The following CAPRIN2 variants were observed in gnomAD, a reference collection of about 807,000 sequenced individuals.
CAPRIN2 encodes the protein caprin family member 2.
In CAPRIN2, 66 loss-of-function variants were observed where a neutral mutation model predicts 130.4. That is an observed-to-expected ratio of 0.51 (90% CI 0.42 to 0.62). The LOEUF is 0.62. Among genes scored for constraint, CAPRIN2 ranks in the 20% least tolerant of loss-of-function variants. The probability of loss-of-function intolerance (pLI) is 0.00; values close to 1 mark genes in which losing one functional copy is unlikely to be tolerated. For missense variants in CAPRIN2, 1,185 were observed against 1,246.6 expected (o/e 0.95, Z 0.74); for synonymous variants, 471 against 444.1 (o/e 1.06, Z -0.76).
chr12:30,710,312 G>A lies in CAPRIN2; in HGVS notation c.2824C>T (p.Leu942=), dbSNP rs2053859137. The change falls in exon 17 of 17, where the codon CTG becomes TTG. Residue 942 remains leucine (L), a synonymous_variant. Transcript: ENST00000298892. This position sits in a 1 kb window ranked among gnomAD's most constrained non-coding sequence, Gnocchi z 4.8. ...AAGGCAACTCGCATCTGCTGAGGCA[G>A]AGGGTAGACGTGTACTGGCAGTATG... 6.2e-7 allele frequency: 1 copy of A among 1,614,072 alleles called. No individual in the cohort carries two copies. The highest frequency in any genetic ancestry group is 8.5e-7 in the Non-Finnish European group (1 of 1,180,054).
At position 30,710,106 on chromosome 12, in the gene CAPRIN2, C is replaced by G; in HGVS notation, c.3030G>C (p.Leu1010=). 6.2e-7 allele frequency: 1 copy of G among 1,614,112 alleles called. No homozygotes were observed. Among genetic ancestry groups the G allele is most frequent in the South Asian group, 1.1e-5 (1 of 91,084 alleles). Residue 1010 remains leucine (L), a synonymous_variant, in exon 17 of 17, where the codon CTG becomes CTC. Coordinates refer to ENST00000298892, the Ensembl canonical transcript of CAPRIN2. The surrounding 1 kb of genome is among the most constrained non-coding windows in gnomAD (Gnocchi z 4.8). ...CTTCATTCTTCATGAGGTTGACATA[C>G]AGTGGCACATTCACTGCCAGCTTTA...
exon 1 of CAPRIN2, chr12:30,753,729 A>C: frequency 6.2e-7 from 1 of 1,613,014 alleles, no homozygotes; most frequent in South Asian, 1.1e-5. Flanking sequence ...AGTGAGCTCG[A>C]AACCCAATGA....
At chr12:30,712,398 G>A (rs1278284284) in intron 15 of CAPRIN2, among the ~76,000 whole-genome samples, 3 of 152,222 alleles carry the variant, frequency 2.0e-5, no homozygotes, top group South Asian at 2.1e-4. Context: ...ACAAAATACT[G>A]TAATAGTGGT....
Position 30,743,866 on chromosome 12 carries a change from G to A in CAPRIN2, c.484-2760C>T, listed in dbSNP as rs537088918. 1.3e-4 allele frequency among the ~76,000 whole-genome samples: 20 copies of A among 152,142 alleles called. No homozygotes were observed. The South Asian group carries it at 4.1e-3, about 32-fold the overall frequency. ...CAAGACAGTCTTATCTCCTCTAATG[G>A]TTTCAAGTAGCGGTCATACAGGTGA... On this transcript the variant is annotated intron_variant, in intron 2 of 16. Coordinates refer to ENST00000298892, the Ensembl canonical transcript of CAPRIN2.
chr12:30,753,457 G>A, exon 1 of CAPRIN2: 2 of 1,614,136 alleles, frequency 1.2e-6, no homozygotes, highest in Non-Finnish European at 1.7e-6. Context: ...GACTGCAGGG[G>A]GCTCAAGGCC....
At chr12:30,734,934 GTTTCA>G in intron 4 of CAPRIN2, 29 bp downstream of exon 5, 2 of 1,434,546 alleles carry the variant, frequency 1.4e-6, no homozygotes, top group Non-Finnish European at 2.0e-6. Flanking sequence ...AGTGTCAAGT[GTTTCA>G]TTTCAGGAAA....
At chr12:30,740,924 T>A in intron 3 of CAPRIN2, 96 bp downstream of exon 4, 1 of 702,060 alleles carries the variant, frequency 1.4e-6, no homozygotes, top group Non-Finnish European at 2.5e-6. Context: ...AGAAGAATAA[T>A]AACCAAACAC....
chr12:30,710,378 T>C lies in CAPRIN2; in HGVS notation c.2758A>G (p.Met920Val), dbSNP rs778912498. The C allele has an allele frequency of 1.2e-6, 2 of 1,614,172 alleles. No individual in the cohort carries two copies. Among genetic ancestry groups the C allele is most frequent in the South Asian group, 1.1e-5 (1 of 91,078 alleles). The change falls in exon 17 of 17, where the codon ATG becomes GTG. Residue 920 changes from methionine to valine, a missense_variant. By Grantham distance (21) the Met-to-Val change is conservative. Around this residue, in one of 2 missense-constraint regions of CAPRIN2, gnomAD observed 1,104 missense variants for 1,104.3 expected, o/e 1.00. Coordinates refer to ENST00000298892, the Ensembl canonical transcript of CAPRIN2. This position sits in a 1 kb window ranked among gnomAD's most constrained non-coding sequence, Gnocchi z 4.8. Reference sequence around the variant, plus strand: ...GTCACTGGCACATCCACAGGGGTCATGCTACGGGAGTCTCCTTGTCCAGAG... The same window carrying C: ...GTCACTGGCACATCCACAGGGGTCACGCTACGGGAGTCTCCTTGTCCAGAG...
intron 8 of CAPRIN2, among the ~76,000 whole-genome samples, chr12:30,727,998 G>A (rs1158337107): frequency 6.6e-6 from 1 of 152,108 alleles, no homozygotes; most frequent in Non-Finnish European, 1.5e-5. Context: ...ATGAAATACA[G>A]TATCTCCCAT....
chr12:30,748,712 T>C (rs1485400531), intron 2 of CAPRIN2, among the ~76,000 whole-genome samples: 1 of 152,234 alleles, frequency 6.6e-6, no homozygotes, highest in Non-Finnish European at 1.5e-5. Context: ...TTCTACCTTA[T>C]ATATTGCATG....
chr12:30,740,604 CAAG>C (rs2067013966), intron 3 of CAPRIN2, among the ~76,000 whole-genome samples: 1 of 152,056 alleles, frequency 6.6e-6, no homozygotes, highest in Admixed American at 6.5e-5. Context: ...TTCATGCTTT[CAAG>C]AAGACTACCA....
At chr12:30,722,627 G>A (rs1173553451) in intron 11 of CAPRIN2, among the ~76,000 whole-genome samples, 2 of 152,196 alleles carry the variant, frequency 1.3e-5, no homozygotes, top group South Asian at 2.1e-4. Context: ...AAGGCTGAGT[G>A]CAGTGGCTCA....
At chr12:30,744,308 G>C (rs968166542) in intron 2 of CAPRIN2, among the ~76,000 whole-genome samples, 2 of 152,096 alleles carry the variant, frequency 1.3e-5, no homozygotes, top group African/African-American at 4.8e-5. Context: ...ATTGCAAAGT[G>C]ATTTTTTTAA....
intron 15 of CAPRIN2, 132 bp from the exon 18 acceptor site, chr12:30,711,761 G>T (rs758250972): frequency 2.3e-5 from 17 of 751,220 alleles, no homozygotes. Flanking sequence ...AGCAACCAAA[G>T]AGGCTCAGAT....
At chr12:30,740,867 A>C in intron 3 of CAPRIN2, 153 bp downstream of exon 4, 1 of 546,564 alleles carries the variant, frequency 1.8e-6, no homozygotes, top group Middle Eastern at 3.6e-4. Flanking sequence ...CTAGTTCTCC[A>C]ACAGTTATCC....
intron 1 of CAPRIN2, chr12:30,751,776 ATTCTT>A (rs1281003341): frequency 2.1e-5 from 2 of 93,524 alleles, no homozygotes; most frequent in African/African-American, 1.2e-4. Flanking sequence ...AACACCAAGA[ATTCTT>A]TTCTATCATT....
chr12:30,720,830 A>C, exon 12 of CAPRIN2: 1 of 1,611,026 alleles, frequency 6.2e-7, no homozygotes, highest in Non-Finnish European at 8.5e-7. Flanking sequence ...CTCTGAGGTC[A>C]TAAACTCTGT....
chr12:30,714,982 T>A, exon 14 of CAPRIN2: 4 of 1,613,778 alleles, frequency 2.5e-6, no homozygotes, highest in South Asian at 1.1e-5. Context: ...AGGGGACCGA[T>A]AGGAATTGGT....
intron 11 of CAPRIN2, 134 bp from the exon 13 acceptor site, chr12:30,721,049 A>T: frequency 3.2e-6 from 2 of 627,564 alleles, no homozygotes; most frequent in Non-Finnish European, 5.8e-6. Context: ...AACACTTTAT[A>T]CGTGTTAATA....
Sources: gnomAD v4.1 joint callset for allele counts (sites outside exome capture counted in the v4.1 genomes callset) on GRCh38, gnomAD v4.1.1 for gene constraint, gnomAD v4.1.1 regional missense constraint, Gnocchi (gnomAD v3.1) non-coding constraint, MANE v1.5 for transcripts, NCBI Gene and HGNC (gene_info 2026-07-23, HGNC 2026-07-21) for gene names.